Variants in ANKRD36 observed in about 807,000 individuals in gnomAD.
The protein encoded by ANKRD36 is ankyrin repeat domain 36.
Under a neutral mutation model 278.1 loss-of-function variants are expected in ANKRD36, and 179 were observed. The ratio of observed to expected loss-of-function variants is 0.64; its 90% CI spans 0.57 to 0.73. ANKRD36 has a LOEUF of 0.73. Ranked by LOEUF, ANKRD36 falls within the 30% of genes least tolerant of loss-of-function variation. ANKRD36 has a pLI of 0.00. For synonymous variants in ANKRD36, 320 were observed against 641.1 expected, an observed-to-expected ratio of 0.50 and a Z score of 7.57; for missense variants, 1,159 against 1,956.7, an observed-to-expected ratio of 0.59 and a Z score of 7.69.
At chr2:97,141,602 C>T (rs1174669005) in intron 6 of ANKRD36, among the ~76,000 whole-genome samples, 1 of 137,350 alleles carries the variant, frequency 7.3e-6, no homozygotes, top group African/African-American at 2.7e-5. Flanking sequence ...ACCACAGTGA[C>T]TCGTTACTTC....
rs2058439812 is a variant in ANKRD36 at position 97,191,195 on chromosome 2, A to G, written c.2347+14A>G. The G allele has an allele frequency of 6.3e-7, 1 of 1,579,288 alleles. No homozygotes were observed. Reference sequence around the variant, plus strand: ...AATCTGGGACAGGTAATTTTGCAAAAGACATTTAATGTCATATTCAGTCCA... The same window carrying G: ...AATCTGGGACAGGTAATTTTGCAAAGGACATTTAATGTCATATTCAGTCCA... On this transcript the variant is annotated intron_variant, in intron 36 of 75. Coordinates refer to ENST00000420699, the MANE Select transcript of ANKRD36 (RefSeq NM_001354587.1).
At chr2:97,180,503 A>G (rs62153950) in intron 24 of ANKRD36, among the ~76,000 whole-genome samples, 3 of 151,666 alleles carry the variant, frequency 2.0e-5, no homozygotes, top group Non-Finnish European at 2.9e-5. Flanking sequence ...ATATTTGCAT[A>G]AAAGAAGATT....
intron 36 of ANKRD36, 41 bp downstream of exon 36, chr2:97,191,222 A>G: frequency 6.6e-7 from 1 of 1,518,720 alleles, no homozygotes; most frequent in Non-Finnish European, 8.9e-7. Flanking sequence ...TTCAGTCCAG[A>G]TAGATAAGAA....
At chr2:97,172,447 G>A (rs888319648) in intron 22 of ANKRD36, among the ~76,000 whole-genome samples, 9 of 152,048 alleles carry the variant, frequency 5.9e-5, no homozygotes, top group African/African-American at 1.9e-4. Context: ...ATATGCTTAT[G>A]TGGTTGCTTT....
At chr2:97,202,171 T>A in intron 46 of ANKRD36, 31 bp from the exon 47 acceptor site, 1 of 1,608,104 alleles carries the variant, frequency 6.2e-7, no homozygotes, top group Non-Finnish European at 8.5e-7. Flanking sequence ...TATTTACGTA[T>A]GACTGATTAT....
At chr2:97,227,647 A>T (rs2070337590) in intron 67 of ANKRD36, among the ~76,000 whole-genome samples, 1 of 152,100 alleles carries the variant, frequency 6.6e-6, no homozygotes, top group Admixed American at 6.5e-5. Flanking sequence ...CCCTAACCAG[A>T]ACTTCCAACA....
intron 20 of ANKRD36, among the ~76,000 whole-genome samples, chr2:97,165,523 G>A (rs1291932943): frequency 6.6e-6 from 1 of 152,004 alleles, no homozygotes. Context: ...TGCCATAGCT[G>A]AAAAACTCCA....
At position 97,187,180 on chromosome 2, in the gene ANKRD36, A is replaced by T. The variant is rs1020178161; in HGVS notation, c.2042-18A>T. ...CATATTTACATATGAGTGATTATGT[A>T]TCCCTTTTGCTTTTCAGTGTCTTCT... On this transcript the variant is annotated intron_variant, in intron 30 of 75. Transcript: ENST00000420699. 1 of 1,609,382 alleles carries T rather than the reference A, an allele frequency of 6.2e-7. No individual in the cohort carries two copies. Among genetic ancestry groups the T allele is most frequent in the Non-Finnish European group, 8.5e-7 (1 of 1,178,600 alleles).
rs1367571759 is a variant in ANKRD36, at chr2:97,204,079, A to C, written c.2971A>C (p.Lys991Gln). Residue 991 changes from lysine (K) to glutamine (Q), a missense_variant, in exon 49 of 76, where the codon AAA becomes CAA. Physicochemically the swap from Lys to Gln is moderately conservative, Grantham distance 53. Transcript: ENST00000420699. ...CTTTTACTTTTCAGTGTCTTCTGAG[A>C]AACCACCAGGCTTGAAGGTAATGAA... ...GEKSRTVSSE[K>Q]PPGLKATSDE... is the part of the protein sequence containing the mutation. The C allele has an allele frequency of 3.8e-6, 6 of 1,574,330 alleles. No homozygotes were observed. The highest frequency in any genetic ancestry group is 1.2e-5 in the South Asian group (1 of 85,238).
At position 97,118,432 on chromosome 2, in the gene ANKRD36, C is replaced by T; in HGVS notation, c.401C>T (p.Ala134Val). The change falls in exon 3 of 76, where the codon GCT becomes GTT. Residue 134 changes from alanine (A) to valine (V), a missense_variant. Ala to Val is a moderately conservative substitution (Grantham distance 64, BLOSUM62 0). Coordinates refer to ENST00000420699, the MANE Select transcript of ANKRD36 (RefSeq NM_001354587.1). The stretch of plus-strand genomic sequence containing the variant: ...ATTACGGATTTCTTTGGAAGGACTG[C>T]TCTGCACTACGCTGTGTATAATGAA... ...PNITDFFGRT[A>V]LHYAVYNEDT... 6.2e-7 allele frequency: 1 copy of T among 1,607,020 alleles called. No homozygotes were observed. The highest frequency in any genetic ancestry group is 8.5e-7 in the Non-Finnish European group (1 of 1,177,622).
At chr2:97,135,883 A>G (rs2041362595) in intron 6 of ANKRD36, among the ~76,000 whole-genome samples, 1 of 151,964 alleles carries the variant, frequency 6.6e-6, no homozygotes, top group African/African-American at 2.4e-5. Flanking sequence ...CTGAATCTGC[A>G]GTCAGTAAAA....
chr2:97,158,030 A>G, intron 15 of ANKRD36, 77 bp from the exon 16 acceptor site: 1 of 1,221,192 alleles, frequency 8.2e-7, no homozygotes, highest in Non-Finnish European at 1.1e-6. Flanking sequence ...TTTTTGTGTT[A>G]GATCATGTAG....
chr2:97,189,235 A>G lies in ANKRD36; in HGVS notation c.2190A>G (p.Glu730=), dbSNP rs1316332550. 1.3e-6 allele frequency: 1 copy of G among 758,580 alleles called. No individual in the cohort carries two copies. The highest frequency in any genetic ancestry group is 1.3e-5 in the South Asian group (1 of 78,472). 47.0% of individuals were successfully genotyped at this position (758,580 alleles called of 1,614,324 possible). A position where few individuals can be genotyped will look rare whatever the true frequency, so the allele number is the denominator to read the frequency against. ...QPALKATTDE[E]DSVSNIATEI... ...CCATTAAGGCTACAACTGACGAGGA[A>G]GATTCTGTTTCGAATATAGCCACAG... is the stretch of plus-strand genomic sequence containing the variant. Residue 730 remains glutamate, a synonymous_variant, in exon 34 of 76, where the codon GAA becomes GAG. Coordinates refer to ENST00000420699, the MANE Select transcript of ANKRD36 (RefSeq NM_001354587.1).
At chr2:97,124,410 T>A (rs1280648814) in intron 4 of ANKRD36, 50 bp from the exon 5 acceptor site, 6 of 1,529,292 alleles carry the variant, frequency 3.9e-6, no homozygotes, top group Non-Finnish European at 5.3e-6. Flanking sequence ...TATATAAACT[T>A]AGCTTTTAAA....
At chr2:97,194,691 C>A (rs776059857) in intron 38 of ANKRD36, 35 bp from the exon 39 acceptor site, 2 of 1,602,574 alleles carry the variant, frequency 1.2e-6, no homozygotes, top group Non-Finnish European at 8.5e-7. Flanking sequence ...ATCATATTTA[C>A]ATGTGAGTGA....
chr2:97,187,823 G>A (rs1485434490), intron 32 of ANKRD36, among the ~76,000 whole-genome samples: 1 of 151,700 alleles, frequency 6.6e-6, no homozygotes, highest in Non-Finnish European at 1.5e-5. Context: ...ACTGTAGAAC[G>A]AGAACTAAGG....
At chr2:97,196,923 A>C in intron 42 of ANKRD36, 135 bp downstream of exon 42, 1 of 1,378,642 alleles carries the variant, frequency 7.3e-7, no homozygotes, top group Non-Finnish European at 9.8e-7. Context: ...CATTTGCAGT[A>C]GGTTCTTGGG....
At chr2:97,218,356 A>T (rs1282781932) in intron 64 of ANKRD36, among the ~76,000 whole-genome samples, 3 of 144,698 alleles carry the variant, frequency 2.1e-5, no homozygotes, top group East Asian at 2.2e-4. Context: ...ATAATTTATT[A>T]TACTTTTTGA....
chr2:97,218,909 C>A, intron 64 of ANKRD36, 141 bp from the exon 65 acceptor site: 1 of 1,306,180 alleles, frequency 7.7e-7, no homozygotes, highest in Non-Finnish European at 1.0e-6. Flanking sequence ...TATTACTGTC[C>A]CAAAGAAACA....
Sources: gnomAD v4.1 joint callset for allele counts (sites outside exome capture counted in the v4.1 genomes callset) on GRCh38, gnomAD v4.1.1 for gene constraint, MANE v1.5 for transcripts, NCBI Gene and HGNC (gene_info 2026-07-23, HGNC 2026-07-21) for gene names.